The following CR1 variants were observed in gnomAD, a reference collection of about 807,000 sequenced individuals.
CR1 encodes the protein complement C3b/C4b receptor 1 (Knops blood group).
In CR1, 116 loss-of-function variants were observed where a neutral mutation model predicts 187.3. That is an observed-to-expected ratio of 0.62 (90% confidence interval 0.53 to 0.72). The LOEUF (loss-of-function observed/expected upper bound fraction) is 0.72. CR1 is among the 30% of genes least tolerant of loss of function. CR1 has a pLI of 0.00. For synonymous variants in CR1, 576 were observed against 747.1 expected, an observed-to-expected ratio of 0.77 and a Z score of 3.73; for missense variants, 1,731 against 2,110.7, an observed-to-expected ratio of 0.82 and a Z score of 3.52.
chr1:207,629,444 C>A (rs1662579783), intron 45 of CR1, among the ~76,000 whole-genome samples: 2 of 152,120 alleles, frequency 1.3e-5, no homozygotes, highest in South Asian at 4.2e-4. Flanking sequence ...TTAACCACCA[C>A]TCCTTGGAAG....
rs370291677 is a variant in CR1 at position 207,565,923 on chromosome 1, C to T, written c.3952C>T (p.Gln1318Ter). The T allele has an allele frequency of 1.7e-5, 27 of 1,610,936 alleles. 2 individuals carry two copies. The highest frequency in any genetic ancestry group is 2.8e-5 in the African/African-American group (2 of 72,334). The change falls in exon 24 of 47, where the codon CAA becomes TAA. Residue 1318 changes from glutamine (Q) to a stop codon, truncating the protein, a stop_gained and splice_region_variant. Coordinates refer to ENST00000367049, the MANE Select transcript of CR1 (RefSeq NM_000651.6). LOFTEE classifies it high-confidence loss of function. ...GAATAGCAGTGTTCCAGTGTGTGAACGTGAGTAATAGGAGCAACATTTCAG... is the reference window on the plus strand; with the variant it reads ...GAATAGCAGTGTTCCAGTGTGTGAATGTGAGTAATAGGAGCAACATTTCAG... Reference protein sequence around the residue: ...LWNSSVPVCEQIFCPSPPVIP... With the variant: ...LWNSSVPVCE
At chr1:207,609,761 A>T in intron 37 of CR1, 73 bp downstream of exon 37, 2 of 1,425,766 alleles carry the variant, frequency 1.4e-6, no homozygotes, top group Non-Finnish European at 1.8e-6. Flanking sequence ...GAAATTAAGG[A>T]AGAAGTGTAT....
intron 5 of CR1, 28 bp downstream of exon 5, chr1:207,524,037 C>A (rs1347727574): frequency 6.2e-7 from 1 of 1,611,658 alleles, no homozygotes; most frequent in Admixed American, 1.7e-5. Flanking sequence ...CTAGAAGGGC[C>A]CTGCCAGTGA....
At chr1:207,586,417 G>T (rs141440580) in intron 33 of CR1, among the ~76,000 whole-genome samples, 11 of 152,320 alleles carry the variant, frequency 7.2e-5, no homozygotes, top group East Asian at 5.8e-4. Flanking sequence ...ACTACAAGGC[G>T]TGAGCCACCA....
At chr1:207,511,529 G>A (rs1659617024) in intron 3 of CR1, 40 bp from the exon 4 acceptor site, 1 of 1,589,414 alleles carries the variant, frequency 6.3e-7, no homozygotes, top group South Asian at 1.1e-5. Flanking sequence ...TAGTTGACCT[G>A]TGTCTTTAGA....
chr1:207,627,836 A>C (rs913058793), intron 45 of CR1, among the ~76,000 whole-genome samples: 1 of 152,154 alleles, frequency 6.6e-6, no homozygotes, highest in African/African-American at 2.4e-5. Flanking sequence ...CTGCAAATTC[A>C]GTGTCTGGTG....
intron 1 of CR1, among the ~76,000 whole-genome samples, chr1:207,505,692 A>G (rs1192590317): frequency 6.6e-6 from 1 of 151,994 alleles, no homozygotes; most frequent in Non-Finnish European, 1.5e-5. Context: ...AAAATTAGCC[A>G]GGTGTGGTGG....
intron 43 of CR1, among the ~76,000 whole-genome samples, chr1:207,621,448 C>A (rs1187989375): frequency 6.6e-6 from 1 of 151,856 alleles, no homozygotes; most frequent in Non-Finnish European, 1.5e-5. Flanking sequence ...ACTATTCCTG[C>A]CAGTTAGCCC....
chr1:207,566,180 A>G (rs1410403193), intron 24 of CR1, among the ~76,000 whole-genome samples: 1 of 150,076 alleles, frequency 6.7e-6, no homozygotes, highest in Non-Finnish European at 1.5e-5. Flanking sequence ...AGGTCAGGAG[A>G]GATTAGATAA....
chr1:207,516,780 G>A (rs1262693242), intron 4 of CR1, among the ~76,000 whole-genome samples: 1 of 151,832 alleles, frequency 6.6e-6, no homozygotes, highest in Admixed American at 6.6e-5. Context: ...TCTTAGATAT[G>A]CACCTGTTTC....
chr1:207,636,214 G>A (rs537578770), intron 46 of CR1, among the ~76,000 whole-genome samples: 8 of 152,150 alleles, frequency 5.3e-5, no homozygotes, highest in Non-Finnish European at 8.8e-5. Flanking sequence ...ATTTATAATC[G>A]TAGTACTTCC....
At chr1:207,576,794 C>T (rs534878182) in intron 28 of CR1, among the ~76,000 whole-genome samples, 19 of 151,640 alleles carry the variant, frequency 1.3e-4, no homozygotes, top group Non-Finnish European at 2.1e-4. Context: ...CACTCCAGCC[C>T]GGGCAGCAGA....
At chr1:207,509,893 T>G (rs1572995083) in intron 3 of CR1, among the ~76,000 whole-genome samples, 1 of 152,256 alleles carries the variant, frequency 6.6e-6, no homozygotes, top group East Asian at 1.9e-4. Flanking sequence ...AATGATTTCA[T>G]TTTTGGTGGT....
chr1:207,576,150 T>G (rs2102336078), intron 28 of CR1, among the ~76,000 whole-genome samples: 1 of 152,302 alleles, frequency 6.6e-6, no homozygotes, highest in African/African-American at 2.4e-5. Context: ...CTTTCTACAT[T>G]TTGGGGAGCA....
chr1:207,585,769 A>G (rs537308017), intron 33 of CR1, among the ~76,000 whole-genome samples: 3 of 152,194 alleles, frequency 2.0e-5, no homozygotes, highest in Non-Finnish European at 4.4e-5. Context: ...CCTAGACCCC[A>G]GTGCAGGCTT....
chr1:207,609,683 C>G lies in CR1; in HGVS notation c.6290C>G (p.Ser2097Cys). The change falls in exon 37 of 47, where the codon TCC (serine) becomes TGC (cysteine). Residue 2097 changes from serine to cysteine, a missense_variant. Transcript: ENST00000367049. ...GRWGPKLPHC[S>C]RVCQPPPEIL... ...TGGGGGCCCAAGCTGCCACACTGCT[C>G]CAGGGGTGAGTGTGACCCATCAAGA... is the stretch of plus-strand genomic sequence containing the variant. 1.9e-6 allele frequency: 3 copies of G among 1,577,616 alleles called. No individual in the cohort carries two copies. Among genetic ancestry groups the G allele is most frequent in the Non-Finnish European group, 2.6e-6 (3 of 1,162,890 alleles).
At position 207,630,594 on chromosome 1, in the gene CR1, C is replaced by T. The variant is rs771072345; in HGVS notation, c.7430C>T (p.Thr2477Ile). The part of the protein sequence containing the change: ...SQGGSSVHPR[T>I]LQTNEENSRV... Reference sequence around the variant, plus strand: ...GGAGGCAGCAGCGTTCATCCCCGAACTCTGCAAACAAATGAAGAAAATAGC... The same window carrying T: ...GGAGGCAGCAGCGTTCATCCCCGAATTCTGCAAACAAATGAAGAAAATAGC... The change falls in exon 46 of 47, where the codon ACT becomes ATT. Residue 2477 changes from threonine (T) to isoleucine (I), a missense_variant. Thr to Ile is a moderately conservative substitution (Grantham distance 89). This residue lies in a region of CR1 where 1,312 missense variants were observed against 1,379.6 expected (regional missense o/e 0.95). Transcript: ENST00000367049. 2 of 1,608,022 alleles carry T rather than the reference C, an allele frequency of 1.2e-6. No individual in the cohort carries two copies. The highest frequency in any genetic ancestry group is 3.4e-5 in the Admixed American group (2 of 58,944).
chr1:207,498,963 G>T (rs977187589), intron 1 of CR1, among the ~76,000 whole-genome samples: 4 of 141,976 alleles, frequency 2.8e-5, no homozygotes, highest in African/African-American at 7.8e-5. Context: ...TAGAAACAGA[G>T]AACAAGAGAA....
chr1:207,621,006 G>T (rs1204733186), intron 43 of CR1, among the ~76,000 whole-genome samples: 2 of 152,214 alleles, frequency 1.3e-5, no homozygotes, highest in Non-Finnish European at 2.9e-5. Flanking sequence ...AGGTATGGTG[G>T]CTCATGCCTG....
Sources: gnomAD v4.1 joint callset for allele counts (sites outside exome capture counted in the v4.1 genomes callset) on GRCh38, gnomAD v4.1.1 for gene constraint, gnomAD v4.1.1 regional missense constraint, MANE v1.5 for transcripts, NCBI Gene and HGNC (gene_info 2026-07-23, HGNC 2026-07-21) for gene names.